The following NCOR2 variants were observed in gnomAD, a reference collection of about 807,000 sequenced individuals.
NCOR2 encodes the protein CTG repeat protein 26.
A neutral mutation model predicts 262.9 loss-of-function variants in NCOR2; 81 were observed. The observed-to-expected ratio is 0.31, with a 90% confidence interval of 0.26 to 0.37. The LOEUF (loss-of-function observed/expected upper bound fraction) is 0.37. Among genes scored for constraint, NCOR2 ranks in the 10% least tolerant of loss-of-function variants. The probability of loss-of-function intolerance (pLI) is 1.00; values close to 1 mark genes in which losing one functional copy is unlikely to be tolerated. For synonymous variants in NCOR2, 1,659 were observed against 1,559.3 expected (o/e 1.06, Z -1.51); for missense variants, 3,385 against 3,621.4 (o/e 0.93, Z 1.68).
Position 124,440,450 on chromosome 12 carries a change from G to T in NCOR2, c.816-2454C>A, listed in dbSNP as rs1439767405. ...CCCCCGGCCAGGGTGGGCCATGGGGGTCCTCAGTCCCACAGGCTAGGACCA... is the reference window on the plus strand; with the variant it reads ...CCCCCGGCCAGGGTGGGCCATGGGGTTCCTCAGTCCCACAGGCTAGGACCA... On this transcript the variant is annotated intron_variant, in intron 7 of 46. Transcript: ENST00000405201. The surrounding 1 kb of genome is among the most constrained non-coding windows in gnomAD (Gnocchi z 5.7). 6.6e-6 allele frequency among the ~76,000 whole-genome samples: 1 copy of T among 152,210 alleles called. No individual in the cohort carries two copies. Among genetic ancestry groups the T allele is most frequent in the African/African-American group, 2.4e-5 (1 of 41,456 alleles).
rs368480103 is a variant in NCOR2 at position 124,549,886 on chromosome 12, G to A, written c.-164-14275C>T. ...TCACGCCTGCCTAGGGGAAGTACACGCTAGGTACTTATGGCAAGTATGTGA... is the reference window on the plus strand; with the variant it reads ...TCACGCCTGCCTAGGGGAAGTACACACTAGGTACTTATGGCAAGTATGTGA... On this transcript the variant is annotated intron_variant, in intron 1 of 32. Transcript: ENST00000458234. The surrounding 1 kb of genome is among the most constrained non-coding windows in gnomAD (Gnocchi z 4.4). 1.1e-3 allele frequency among the ~76,000 whole-genome samples: 168 copies of A among 152,246 alleles called. No homozygotes were observed. The highest frequency in any genetic ancestry group is 3.9e-3 in the African/African-American group (164 of 41,544).
chr12:124,355,231 G>A (rs546515482), intron 24 of NCOR2: 55 of 651,370 alleles, frequency 8.4e-5, no homozygotes, highest in Non-Finnish European at 1.3e-4. Flanking sequence ...CCATGCCCTT[G>A]ACTGCAATAC....
intron 13 of NCOR2, among the ~76,000 whole-genome samples, chr12:124,408,121 G>A (rs1465474654): frequency 6.6e-6 from 1 of 152,032 alleles, no homozygotes; most frequent in Non-Finnish European, 1.5e-5. Context: ...TTGGGAGGCC[G>A]AGGCCGGCGG....
chr12:124,354,803 T>G, intron 25 of NCOR2, 34 bp downstream of exon 27: 1 of 1,593,738 alleles, frequency 6.3e-7, no homozygotes. Context: ...GAGCCCAGCC[T>G]GAGCCACCCA....
chr12:124,358,268 C>T lies in NCOR2; in HGVS notation c.3101-1486G>A, dbSNP rs904427639. ...TGTGCCTGTACACAATGTTGAAGGA[C>T]GTAACCTGTGATGTGTGTATGTGCA... On this transcript the variant is annotated intron_variant, in intron 22 of 46. Coordinates refer to ENST00000405201, the Ensembl canonical transcript of NCOR2. 1.5e-4 allele frequency among the ~76,000 whole-genome samples: 19 copies of T among 126,410 alleles called. No individual in the cohort carries two copies. In the East Asian group the frequency reaches 2.1e-3, roughly 14 times the overall value. 82.9% of individuals were successfully genotyped at this position (126,410 alleles called of 152,430 possible).
Position 124,457,228 on chromosome 12 carries a change from G to C in NCOR2, c.706-66C>G. The C allele has an allele frequency of 6.8e-7, 1 of 1,476,762 alleles. No individual in the cohort carries two copies. Among genetic ancestry groups the C allele is most frequent in the Non-Finnish European group, 9.0e-7 (1 of 1,114,558 alleles). The allele number at this position is 1,476,762 out of a possible 1,614,324, so 91.5% of individuals were successfully genotyped here. On this transcript the variant is annotated intron_variant, in intron 5 of 46. Transcript: ENST00000405201. The surrounding 1 kb of genome is among the most constrained non-coding windows in gnomAD (Gnocchi z 4.0). ...CAAAAAAACACAGATTATAAATAGA[G>C]GCTTCCCGGAGCAGCGGGCACCTGC...
At position 124,354,205 on chromosome 12, in the gene NCOR2, C is replaced by T; in HGVS notation, c.3590-9G>A. On this transcript the variant is annotated splice_polypyrimidine_tract_variant and intron_variant, in intron 26 of 46. Coordinates refer to ENST00000405201, the Ensembl canonical transcript of NCOR2. The stretch of plus-strand genomic sequence containing the variant: ...TGAGCCCAGAGCTGTCCCTGGAAGA[C>T]ACAAGATGTGGGGCTGAGGGCGTGT... The T allele has an allele frequency of 6.3e-7, 1 of 1,587,752 alleles. No homozygotes were observed.
At chr12:124,409,453 C>T (rs780017696) in intron 13 of NCOR2, among the ~76,000 whole-genome samples, 4 of 152,242 alleles carry the variant, frequency 2.6e-5, no homozygotes, top group Non-Finnish European at 5.9e-5. Flanking sequence ...CTCAGAGAAG[C>T]CTTGCGGCCA....
At chr12:124,430,587 G>C (rs552284173) in intron 9 of NCOR2, 28 bp downstream of exon 11, 2 of 1,581,964 alleles carry the variant, frequency 1.3e-6, no homozygotes, top group East Asian at 4.5e-5. Flanking sequence ...CCCTGACGTC[G>C]GGGGCCCTGG....
exon 19 of NCOR2, chr12:124,374,435 G>T: frequency 6.2e-7 from 1 of 1,612,950 alleles, no homozygotes; most frequent in Non-Finnish European, 8.5e-7. Context: ...ATTCCCCTCT[G>T]GGCACCTCAT....
chr12:124,357,919 G>GCGCA (rs1566390724), intron 22 of NCOR2, among the ~76,000 whole-genome samples: 3 of 151,254 alleles, frequency 2.0e-5, no homozygotes, highest in South Asian at 2.1e-4. Flanking sequence ...GTGTGCGTGC[G>GCGCA]CACGTGCGTG....
chr12:124,331,988 A>T, intron 43 of NCOR2: 1 of 325,068 alleles, frequency 3.1e-6, no homozygotes, highest in Non-Finnish European at 5.9e-6. Context: ...AAAGCCACAC[A>T]GGTGCTGAGT....
chr12:124,346,226 C>T (rs116056875), intron 31 of NCOR2, among the ~76,000 whole-genome samples: 2,505 of 152,272 alleles, frequency 0.016, 68 homozygotes, highest in African/African-American at 0.057. Context: ...ATCCTCAGGC[C>T]GCACCTGGAC....
chr12:124,564,981 G>A (rs868532666), intron 1 of NCOR2, among the ~76,000 whole-genome samples: 2 of 147,058 alleles, frequency 1.4e-5, no homozygotes, highest in African/African-American at 5.0e-5. Flanking sequence ...GTAAATTCGT[G>A]TTTGCAGAGC....
intron 3 of NCOR2, among the ~76,000 whole-genome samples, chr12:124,473,678 T>C (rs758661590): frequency 2.6e-5 from 4 of 152,216 alleles, no homozygotes; most frequent in African/African-American, 9.6e-5. Flanking sequence ...CCATGTAAGA[T>C]GTGACTTGCT....
rs936717906 is a variant in NCOR2, at chr12:124,367,667, C to G, written c.2808-3868G>C. On this transcript the variant is annotated intron_variant, in intron 20 of 46. Transcript: ENST00000405201. ...ATTTTTTTGGAGACAGAGTCTTGCT[C>G]TGTTGCCCAGGCTGGAGTGCAGTGG... Among the ~76,000 whole-genome samples, 3 of 152,148 alleles carry G rather than the reference C, an allele frequency of 2.0e-5. No homozygotes were observed. The South Asian group carries it at 6.2e-4, about 32-fold the overall frequency.
intron 19 of NCOR2, among the ~76,000 whole-genome samples, chr12:124,373,958 C>G (rs1218287001): frequency 1.3e-5 from 2 of 151,902 alleles, no homozygotes; most frequent in African/African-American, 4.8e-5. Context: ...TTTTACACAG[C>G]AGGAGCGCGA....
At chr12:124,465,722 T>C (rs1565967558) in intron 5 of NCOR2, among the ~76,000 whole-genome samples, 1 of 152,036 alleles carries the variant, frequency 6.6e-6, no homozygotes, top group South Asian at 2.1e-4. Context: ...CTTAGGAAAA[T>C]GGAAATGACA....
At chr12:124,505,768 C>T (rs1264539668) in intron 1 of NCOR2, among the ~76,000 whole-genome samples, 1 of 152,124 alleles carries the variant, frequency 6.6e-6, no homozygotes, top group Non-Finnish European at 1.5e-5. Context: ...GCCGACCACT[C>T]GGGGGAAGGA....
Sources: allele counts gnomAD v4.1 joint callset (sites outside exome capture counted in the v4.1 genomes callset), GRCh38; gene constraint gnomAD v4.1.1; non-coding constraint Gnocchi (gnomAD v3.1); transcripts MANE v1.5; gene names NCBI Gene and HGNC (gene_info 2026-07-23, HGNC 2026-07-21).